Variants in RNF220 observed in about 807,000 individuals in gnomAD.
The protein encoded by RNF220 is E3 ubiquitin-protein ligase RNF220.
In RNF220, 7 loss-of-function variants were observed where a neutral mutation model predicts 67.1. That is an observed-to-expected ratio of 0.10 (90% CI 0.06 to 0.20). The LOEUF is 0.20. RNF220 is among the 10% of genes least tolerant of loss of function. The pLI is 1.00. For missense variants in RNF220, 565 were observed against 740.3 expected (o/e 0.76, Z 2.75); for synonymous variants, 270 against 283.2 (o/e 0.95, Z 0.47).
intron 2 of RNF220, among the ~76,000 whole-genome samples, chr1:44,525,111 T>G (rs1660261385): frequency 6.6e-6 from 1 of 152,200 alleles, no homozygotes; most frequent in South Asian, 2.1e-4. Flanking sequence ...TCAAGCTGTC[T>G]GGAAAAGAAA....
upstream of RNF220, among the ~76,000 whole-genome samples, chr1:44,405,029 T>A (rs1647223491): frequency 6.6e-6 from 1 of 152,110 alleles, no homozygotes; most frequent in Non-Finnish European, 1.5e-5. Flanking sequence ...TCTCTTTAGT[T>A]CACAATGGCT....
chr1:44,452,696 C>T (rs1447136137), intron 2 of RNF220, among the ~76,000 whole-genome samples: 1 of 152,142 alleles, frequency 6.6e-6, no homozygotes, highest in Non-Finnish European at 1.5e-5. Flanking sequence ...GTCTCGAACT[C>T]CTGACCTCAA....
intron 2 of RNF220, among the ~76,000 whole-genome samples, chr1:44,571,369 G>A (rs1215127501): frequency 6.6e-6 from 1 of 152,126 alleles, no homozygotes; most frequent in African/African-American, 2.4e-5. Flanking sequence ...CTGCTCAAAT[G>A]TCACTTCTTC....
chr1:44,470,326 A>G (rs986645498), intron 2 of RNF220, among the ~76,000 whole-genome samples: 1 of 152,216 alleles, frequency 6.6e-6, no homozygotes, highest in Non-Finnish European at 1.5e-5. Flanking sequence ...TAAGTTTGGA[A>G]GGGAATCACA....
chr1:44,577,955 G>A (rs1664937776), intron 2 of RNF220, among the ~76,000 whole-genome samples: 1 of 150,418 alleles, frequency 6.6e-6, no homozygotes, highest in Admixed American at 6.6e-5. Flanking sequence ...TCTTACCTCA[G>A]CCTCCAGTCC....
chr1:44,646,962 T>A (rs1644668820), intron 12 of RNF220, among the ~76,000 whole-genome samples: 1 of 152,186 alleles, frequency 6.6e-6, no homozygotes, highest in Non-Finnish European at 1.5e-5. Flanking sequence ...CTGGAGGGAC[T>A]CAGGAATAGC....
Position 44,622,082 on chromosome 1 carries a change from C to T in RNF220, c.759-660C>T, listed in dbSNP as rs987478314. Among the ~76,000 whole-genome samples, 11 of 152,292 alleles carry T rather than the reference C, an allele frequency of 7.2e-5. No homozygotes were observed. The highest frequency in any genetic ancestry group is 2.6e-4 in the African/African-American group (11 of 41,560). On this transcript the variant is annotated intron_variant, in intron 3 of 14. Coordinates refer to ENST00000361799, the MANE Select transcript of RNF220 (RefSeq NM_018150.4). This position sits in a 1 kb window ranked among gnomAD's most constrained non-coding sequence, Gnocchi z 4.3. ...TTTGTAATACTTTGTGGCTCTGGAT[C>T]ACTCATGCTTAGCGCAGGATGTGGC...
rs1358768020 is a variant in RNF220, at chr1:44,565,548, C to T, written c.626-48617C>T. 2.0e-5 allele frequency among the ~76,000 whole-genome samples: 3 copies of T among 152,194 alleles called. No homozygotes were observed. The highest frequency in any genetic ancestry group is 4.4e-5 in the Non-Finnish European group (3 of 68,028). On this transcript the variant is annotated intron_variant, in intron 2 of 14. Coordinates refer to ENST00000361799, the MANE Select transcript of RNF220 (RefSeq NM_018150.4). The surrounding 1 kb of genome is among the most constrained non-coding windows in gnomAD (Gnocchi z 4.2). ...CAGCGCTAATGCCCCCAGCCTAACA[C>T]AATTACCCCTTCCTTCTCCCTCAGC...
chr1:44,577,689 G>A (rs1191382996), intron 2 of RNF220, among the ~76,000 whole-genome samples: 5 of 152,218 alleles, frequency 3.3e-5, no homozygotes, highest in Non-Finnish European at 7.3e-5. Context: ...TAAAATACTG[G>A]GGACAATGGC....
chr1:44,471,823 TC>T lies in RNF220; in HGVS notation c.625+59102del, dbSNP rs1272928136. On this transcript the variant is annotated intron_variant, in intron 2 of 14. Transcript: ENST00000361799. ...TGGGCAACAAGAACGAAACTCCATC[TC>T]AAAAAAAAAAGAACAAAAAACAAAA... Among the ~76,000 whole-genome samples the T allele has an allele frequency of 5.4e-5, 7 of 129,160 alleles. No individual in the cohort carries two copies. In the Admixed American group the frequency reaches 5.5e-4, roughly 10 times the overall value. The allele number at this position is 129,160 out of a possible 152,430, so 84.7% of individuals were successfully genotyped here.
chr1:44,549,980 G>A (rs1008100925), intron 2 of RNF220, among the ~76,000 whole-genome samples: 5 of 152,226 alleles, frequency 3.3e-5, no homozygotes, highest in Admixed American at 3.3e-4. Context: ...AGGACTCCAA[G>A]CCACCAGAGA....
intron 2 of RNF220, among the ~76,000 whole-genome samples, chr1:44,503,982 T>C (rs1658178515): frequency 6.6e-6 from 1 of 152,184 alleles, no homozygotes; most frequent in Non-Finnish European, 1.5e-5. Context: ...CCTGAGTAGC[T>C]GGGACTACAG....
At chr1:44,472,581 C>T (rs1205834168) in intron 2 of RNF220, among the ~76,000 whole-genome samples, 1 of 152,120 alleles carries the variant, frequency 6.6e-6, no homozygotes, top group East Asian at 1.9e-4. Context: ...CAGGTTGCTT[C>T]AGTACTGAAC....
chr1:44,501,171 T>C (rs1249546817), intron 2 of RNF220, among the ~76,000 whole-genome samples: 2 of 24,064 alleles, frequency 8.3e-5, no homozygotes, highest in Non-Finnish European at 1.6e-4. Context: ...GGGGAGGGGG[T>C]GGGGAGAGCC....
Position 44,650,180 on chromosome 1 carries a change from T to C in RNF220, c.1629+223T>C, listed in dbSNP as rs1253491031. On this transcript the variant is annotated intron_variant, in intron 14 of 14. Coordinates refer to ENST00000361799, the MANE Select transcript of RNF220 (RefSeq NM_018150.4). This position sits in a 1 kb window ranked among gnomAD's most constrained non-coding sequence, Gnocchi z 4.3. The stretch of plus-strand genomic sequence containing the variant: ...TCTCCCCCTCCATGAGTTCACTGCA[T>C]TCTCCCTTCCCCGCCCCGGTCCCCG... 1.3e-5 allele frequency: 8 copies of C among 596,226 alleles called. No homozygotes were observed. The South Asian group carries it at 1.4e-4, about 10-fold the overall frequency. The allele number at this position is 596,226 out of a possible 1,614,324, so 36.9% of individuals were successfully genotyped here. A position where few individuals can be genotyped will look rare whatever the true frequency, so the allele number is the denominator to read the frequency against.
At chr1:44,421,559 T>C (rs1156731438) in intron 2 of RNF220, among the ~76,000 whole-genome samples, 2 of 137,896 alleles carry the variant, frequency 1.5e-5, no homozygotes, top group Non-Finnish European at 3.0e-5. Flanking sequence ...AGGGGCCTTG[T>C]AGGTCAGAAG....
intron 2 of RNF220, among the ~76,000 whole-genome samples, chr1:44,504,944 T>C (rs1658278301): frequency 1.3e-5 from 2 of 152,324 alleles, no homozygotes; most frequent in South Asian, 2.1e-4. Context: ...GGTTCTGACC[T>C]GTAAAAGTAA....
At chr1:44,469,478 A>G (rs752171900) in intron 2 of RNF220, among the ~76,000 whole-genome samples, 1 of 152,190 alleles carries the variant, frequency 6.6e-6, no homozygotes, top group Admixed American at 6.5e-5. Context: ...TCATTTTTCA[A>G]ACCTCCCCCC....
intron 2 of RNF220, among the ~76,000 whole-genome samples, chr1:44,492,793 G>T (rs1656966599): frequency 6.6e-6 from 1 of 152,132 alleles, no homozygotes; most frequent in Admixed American, 6.5e-5. Flanking sequence ...CTGTTTAAAG[G>T]TATGGATTTC....
Sources: allele counts gnomAD v4.1 joint callset (sites outside exome capture counted in the v4.1 genomes callset), GRCh38; gene constraint gnomAD v4.1.1; non-coding constraint Gnocchi (gnomAD v3.1); transcripts MANE v1.5; gene names NCBI Gene and HGNC (gene_info 2026-07-23, HGNC 2026-07-21).